ADAMTSL1: variants seen among roughly 807,000 people sequenced by gnomAD.
ADAMTSL1 encodes ADAMTS-like protein 1.
ADAMTSL1 carries 126 observed loss-of-function variants against 201.8 expected under a neutral mutation model. The ratio of observed to expected loss-of-function variants is 0.62; its 90% CI spans 0.54 to 0.72. The LOEUF is 0.72. Among genes scored for constraint, ADAMTSL1 ranks in the 30% least tolerant of loss-of-function variants. ADAMTSL1 has a pLI of 0.00. For synonymous variants in ADAMTSL1, 1,121 were observed against 903.4 expected (o/e 1.24, Z -4.32); for missense variants, 2,679 against 2,277.8 (o/e 1.18, Z -3.59).
At chr9:18,263,448 C>A (rs1470621953) in intron 2 of ADAMTSL1, among the ~76,000 whole-genome samples, 1 of 152,168 alleles carries the variant, frequency 6.6e-6, no homozygotes, top group East Asian at 1.9e-4. Flanking sequence ...GTTGGCGTCA[C>A]CTGGTGTTGT....
intron 1 of ADAMTSL1, among the ~76,000 whole-genome samples, chr9:18,059,458 G>A (rs1822352660): frequency 3.9e-5 from 6 of 152,144 alleles, no homozygotes; most frequent in Admixed American, 3.9e-4. Context: ...TGGTGATTAG[G>A]AAGCTGGCAT....
chr9:17,973,102 C>T (rs1818283256), intron 1 of ADAMTSL1, among the ~76,000 whole-genome samples: 2 of 71,332 alleles, frequency 2.8e-5, no homozygotes, highest in African/African-American at 4.6e-5. Flanking sequence ...AATTTTCTCC[C>T]ATTCTGTAGG....
chr9:18,631,343 C>T (rs866813047), intron 5 of ADAMTSL1, among the ~76,000 whole-genome samples: 1 of 152,074 alleles, frequency 6.6e-6, no homozygotes, highest in African/African-American at 2.4e-5. Context: ...AAATTGAAAG[C>T]CTCAGATGCT....
At chr9:18,617,820 A>G (rs907247001) in intron 4 of ADAMTSL1, among the ~76,000 whole-genome samples, 1 of 152,154 alleles carries the variant, frequency 6.6e-6, no homozygotes, top group Non-Finnish European at 1.5e-5. Context: ...CCTGAGATTA[A>G]AATATTGCAA....
In ADAMTSL1 at chr9:18,770,649, C is replaced by T; in HGVS notation, c.2265C>T (p.Cys755=). ...GTGTTCAGAAACGTGAGGTTCTTTG[C>T]AAGCAGCGCATGGCTGATGGCAGCT... ...GGGVQKREVL[C]KQRMADGSFL... The change falls in exon 17 of 29, where the codon TGC becomes TGT. Residue 755 remains cysteine (C), a synonymous_variant. Transcript: ENST00000380548. 6.2e-7 allele frequency: 1 copy of T among 1,613,508 alleles called. No individual in the cohort carries two copies. The highest frequency in any genetic ancestry group is 8.5e-7 in the Non-Finnish European group (1 of 1,179,762).
chr9:17,913,721 A>G (rs560568853), intron 1 of ADAMTSL1, among the ~76,000 whole-genome samples: 3 of 152,338 alleles, frequency 2.0e-5, no homozygotes, highest in Non-Finnish European at 4.4e-5. Context: ...CAAAAAACTG[A>G]TGAATCCAGG....
At position 18,219,343 on chromosome 9, in the gene ADAMTSL1, T is replaced by TTTTATTTA. The variant is rs57023892; in HGVS notation, c.207+55398_207+55405dup. On this transcript the variant is annotated intron_variant, in intron 2 of 29. Coordinates refer to the ADAMTSL1 transcript ENST00000680146. The stretch of plus-strand genomic sequence containing the variant: ...AATCCAATATATATTTACATTTTAT[T>TTTTATTTA]TTTATTTATTTATTTATTTATTTAT... Among the ~76,000 whole-genome samples the TTTTATTTA allele has an allele frequency of 4.1e-3, 591 of 145,472 alleles. 4 individuals carry two copies. Among genetic ancestry groups the TTTTATTTA allele is most frequent in the African/African-American group, 0.012 (459 of 39,334 alleles).
intron 16 of ADAMTSL1, among the ~76,000 whole-genome samples, chr9:18,765,091 ACT>A (rs1820286915): frequency 6.6e-6 from 1 of 152,196 alleles, no homozygotes; most frequent in Middle Eastern, 3.2e-3. Flanking sequence ...TCACTAAGAA[ACT>A]CTAACTGAAC....
At chr9:18,633,869 A>G (rs1826937756) in intron 5 of ADAMTSL1, among the ~76,000 whole-genome samples, 1 of 152,016 alleles carries the variant, frequency 6.6e-6, no homozygotes, top group African/African-American at 2.4e-5. Flanking sequence ...CATTCAACAG[A>G]TAATGTGCTA....
intron 2 of ADAMTSL1, among the ~76,000 whole-genome samples, chr9:18,180,110 T>A (rs755480408): frequency 6.6e-6 from 1 of 152,272 alleles, no homozygotes; most frequent in African/African-American, 2.4e-5. Flanking sequence ...GACCCATCAC[T>A]GTGCTGTATT....
In ADAMTSL1 at chr9:17,925,660, T is replaced by A. The variant is rs536646843; in HGVS notation, c.87+18738T>A. ...CATAGGTGGGAATTGAACAATGAGA[T>A]CACATGGACACAGGAAGGGGAATAT... is the stretch of plus-strand genomic sequence containing the variant. On this transcript the variant is annotated intron_variant, in intron 1 of 29. Coordinates refer to the ADAMTSL1 transcript ENST00000680146. 5.8e-3 allele frequency among the ~76,000 whole-genome samples: 725 copies of A among 126,020 alleles called. 7 individuals are homozygous for A. Among genetic ancestry groups the A allele is most frequent in the African/African-American group, 0.021 (684 of 32,816 alleles). 82.7% of individuals were successfully genotyped at this position (126,020 alleles called of 152,430 possible).
At chr9:18,579,510 A>AC (rs1822962209) in intron 4 of ADAMTSL1, among the ~76,000 whole-genome samples, 1 of 152,094 alleles carries the variant, frequency 6.6e-6, no homozygotes, top group African/African-American at 2.4e-5. Flanking sequence ...AAATAAATAA[A>AC]TAAAAAAAAT....
At chr9:18,173,905 T>A (rs1828019151) in intron 2 of ADAMTSL1, among the ~76,000 whole-genome samples, 1 of 152,204 alleles carries the variant, frequency 6.6e-6, no homozygotes, top group Non-Finnish European at 1.5e-5. Flanking sequence ...TTGCTAGGCA[T>A]GAACTCCAAC....
chr9:18,344,790 G>T (rs10963580), intron 2 of ADAMTSL1, among the ~76,000 whole-genome samples: 1 of 152,042 alleles, frequency 6.6e-6, no homozygotes, highest in South Asian at 2.1e-4. Context: ...AGCAACAGGC[G>T]CCAAGTCTAA....
Position 18,828,685 on chromosome 9 carries a change from TATATATATAA to T in ADAMTSL1, c.4115-1156_4115-1147del, listed in dbSNP as rs1451429793. 3.3e-3 allele frequency among the ~76,000 whole-genome samples: 353 copies of T among 106,886 alleles called. 31 individuals are homozygous for T. The highest frequency in any genetic ancestry group is 0.014 in the African/African-American group (314 of 23,082). The allele number at this position is 106,886 out of a possible 152,430, so 70.1% of individuals were successfully genotyped here. ...TTATATATATATATATATATATATA[TATATATATAA>T]AATGTGTGTGTGTGTATATATATAT... On this transcript the variant is annotated intron_variant, in intron 22 of 28. Coordinates refer to ENST00000380548, the MANE Select transcript of ADAMTSL1 (RefSeq NM_001040272.6).
rs1821819070 is a variant in ADAMTSL1 at position 18,788,280 on chromosome 9, A to G, written c.3678-7117A>G. On this transcript the variant is annotated intron_variant, in intron 19 of 28. Coordinates refer to ENST00000380548, the MANE Select transcript of ADAMTSL1 (RefSeq NM_001040272.6). The stretch of plus-strand genomic sequence containing the variant: ...CTGCTCACGGAGGAGATCTCAGAGC[A>G]TTCCTTTTGCCTCCCGTTTGAAAGT... Among the ~76,000 whole-genome samples the G allele has an allele frequency of 2.0e-5, 3 of 152,170 alleles. No homozygotes were observed. The South Asian group carries it at 6.2e-4, about 32-fold the overall frequency.
Position 17,915,803 on chromosome 9 carries a change from G to A in ADAMTSL1, c.87+8881G>A, listed in dbSNP as rs142684932. Among the ~76,000 whole-genome samples, 24 of 152,228 alleles carry A rather than the reference G, an allele frequency of 1.6e-4. No homozygotes were observed. The East Asian group carries it at 4.4e-3, about 28-fold the overall frequency. ...CAATTCTCTAATGATTAATGATATT[G>A]AGCATGTTTTCATACGTTTAGAATC... On this transcript the variant is annotated intron_variant, in intron 1 of 29. Coordinates refer to the ADAMTSL1 transcript ENST00000680146.
At chr9:18,593,082 G>T (rs535940619) in intron 4 of ADAMTSL1, among the ~76,000 whole-genome samples, 1 of 152,182 alleles carries the variant, frequency 6.6e-6, no homozygotes, top group East Asian at 1.9e-4. Flanking sequence ...TGGCAACTTT[G>T]CTGAATTTGT....
intron 1 of ADAMTSL1, among the ~76,000 whole-genome samples, chr9:18,504,345 T>C (rs1331338281): frequency 6.6e-6 from 1 of 152,206 alleles, no homozygotes; most frequent in Non-Finnish European, 1.5e-5. Context: ...CGAGCACATC[T>C]GAAAACTAGG....
Sources: gnomAD v4.1 joint callset for allele counts (sites outside exome capture counted in the v4.1 genomes callset) on GRCh38, gnomAD v4.1.1 for gene constraint, MANE v1.5 for transcripts, NCBI Gene and HGNC (gene_info 2026-07-23, HGNC 2026-07-21) for gene names.